Variants in KAT6A observed in about 807,000 individuals in gnomAD.
KAT6A encodes lysine acetyltransferase 6A, also known as histone acetyltransferase KAT6A.
KAT6A carries 9 observed loss-of-function variants against 198.4 expected under a neutral mutation model. The observed-to-expected ratio is 0.05, with a 90% CI of 0.03 to 0.08. The LOEUF is 0.08. Among genes scored for constraint, KAT6A ranks in the 10% least tolerant of loss-of-function variants. The pLI is 1.00. For missense variants in KAT6A, 2,077 were observed against 2,509.9 expected, an observed-to-expected ratio of 0.83 and a Z score of 3.69; for synonymous variants, 890 against 883.0, an observed-to-expected ratio of 1.01 and a Z score of -0.14.
chr8:42,014,056 A>C (rs1328912755), intron 2 of KAT6A, among the ~76,000 whole-genome samples: 1 of 152,174 alleles, frequency 6.6e-6, no homozygotes, highest in Non-Finnish European at 1.5e-5. Flanking sequence ...CTGAAATCTG[A>C]ATTACATATG....
intron 2 of KAT6A, among the ~76,000 whole-genome samples, chr8:42,015,567 T>C (rs993529479): frequency 5.3e-5 from 8 of 152,220 alleles, no homozygotes; most frequent in African/African-American, 1.9e-4. Flanking sequence ...CAACCTCCTA[T>C]ACAGTCGTAT....
rs538688127 is a variant in KAT6A at position 41,977,110 on chromosome 8, G to A, written c.1261C>T (p.Pro421Ser). 2.5e-6 allele frequency: 4 copies of A among 1,614,146 alleles called. No individual in the cohort carries two copies. The South Asian group carries it at 4.4e-5, about 18-fold the overall frequency. Residue 421 changes from proline (P) to serine (S), a missense_variant, in exon 7 of 17, where the codon CCT becomes TCT. By Grantham distance (74) the Pro-to-Ser change is moderately conservative. Around this residue, in one of 13 missense-constraint regions of KAT6A, gnomAD observed 206 missense variants for 214.9 expected, o/e 0.96. Transcript: ENST00000265713. ...DGLTKFFTPSPDGRKARGEVV... is the reference protein window; with the variant it reads ...DGLTKFFTPSSDGRKARGEVV... ...TCCCCCCGAGCTTTCCGCCCATCAG[G>A]GGAAGGGGTAAAAAATTTGGTAAGG...
At position 42,048,943 on chromosome 8, in the gene KAT6A, C is replaced by A. The variant is rs752426070; in HGVS notation, c.35G>T (p.Trp12Leu). The A allele has an allele frequency of 6.2e-7, 1 of 1,613,954 alleles. No homozygotes were observed. The highest frequency in any genetic ancestry group is 8.5e-7 in the Non-Finnish European group (1 of 1,179,982). ...CACTTTTTTGATGGCCTCCAAAATC[C>A]ACTCAGTATAAAGCGGGTTTGCGAG... ...VKLANPLYTE[W>L]ILEAIKKVKK... The change falls in exon 2 of 17, where the codon TGG (tryptophan) becomes TTG (leucine). Residue 12 changes from tryptophan (W) to leucine (L), a missense_variant. Physicochemically the swap from Trp to Leu is moderately conservative, Grantham distance 61. Coordinates refer to ENST00000265713, the MANE Select transcript of KAT6A (RefSeq NM_006766.5).
chr8:41,967,199 T>C (rs1294211886), intron 8 of KAT6A, among the ~76,000 whole-genome samples: 2 of 151,954 alleles, frequency 1.3e-5, no homozygotes, highest in Non-Finnish European at 1.5e-5. Flanking sequence ...AATCATTCTA[T>C]ATATTTCAAG....
chr8:42,047,265 C>G (rs1021621126), intron 2 of KAT6A, among the ~76,000 whole-genome samples: 1 of 152,140 alleles, frequency 6.6e-6, no homozygotes, highest in Non-Finnish European at 1.5e-5. Context: ...AAAACAGGTA[C>G]TAACAAAATT....
chr8:41,969,618 T>C (rs774206349), intron 8 of KAT6A, among the ~76,000 whole-genome samples: 2 of 152,216 alleles, frequency 1.3e-5, no homozygotes, highest in Non-Finnish European at 2.9e-5. Context: ...TGCTTAATTC[T>C]AAACCACTCT....
At chr8:41,949,417 A>G (rs1239343247) in intron 9 of KAT6A, 54 bp from the exon 10 acceptor site, 3 of 1,297,902 alleles carry the variant, frequency 2.3e-6, no homozygotes, top group Non-Finnish European at 3.0e-6. Flanking sequence ...AGAGTACTTC[A>G]AACTTCCACA....
At chr8:41,993,248 T>C (rs781284952) in intron 2 of KAT6A, among the ~76,000 whole-genome samples, 3 of 152,224 alleles carry the variant, frequency 2.0e-5, no homozygotes, top group Non-Finnish European at 2.9e-5. Context: ...TAGAGCTGGA[T>C]AGACAGTTTA....
intron 13 of KAT6A, 114 bp from the exon 14 acceptor site, chr8:41,943,114 G>C: frequency 1.5e-6 from 2 of 1,340,440 alleles, no homozygotes. Flanking sequence ...TGCAAAGATA[G>C]CCTGCCTGGG....
intron 2 of KAT6A, among the ~76,000 whole-genome samples, chr8:42,005,344 GTAACA>G (rs1364905103): frequency 6.6e-6 from 1 of 152,030 alleles, no homozygotes; most frequent in Non-Finnish European, 1.5e-5. Flanking sequence ...TACTACCTCC[GTAACA>G]GTATAAATAA....
At chr8:42,021,059 AAG>A (rs1410665044) in intron 2 of KAT6A, among the ~76,000 whole-genome samples, 1 of 152,066 alleles carries the variant, frequency 6.6e-6, no homozygotes, top group Non-Finnish European at 1.5e-5. Flanking sequence ...TTATTGAGGA[AAG>A]AGAGATATAC....
intron 6 of KAT6A, among the ~76,000 whole-genome samples, chr8:41,977,760 A>T (rs1350794286): frequency 3.3e-5 from 5 of 152,196 alleles, no homozygotes; most frequent in Admixed American, 6.5e-5. Flanking sequence ...CTAAAACACA[A>T]GGATGGGTTA....
intron 2 of KAT6A, among the ~76,000 whole-genome samples, chr8:42,003,400 C>CAG (rs1366462421): frequency 6.6e-6 from 1 of 151,810 alleles, no homozygotes; most frequent in African/African-American, 2.4e-5. Context: ...GTCTGAATCT[C>CAG]AGCTCTGTGG....
intron 2 of KAT6A, among the ~76,000 whole-genome samples, chr8:42,007,657 A>C (rs1048353552): frequency 2.0e-5 from 3 of 152,052 alleles, no homozygotes; most frequent in African/African-American, 7.2e-5. Flanking sequence ...TAGGACTAGA[A>C]AGTTCATTAA....
chr8:42,018,224 G>C (rs971549425), intron 2 of KAT6A, among the ~76,000 whole-genome samples: 1 of 152,146 alleles, frequency 6.6e-6, no homozygotes, highest in Non-Finnish European at 1.5e-5. Flanking sequence ...ATTGTTCCTA[G>C]TGGCAATATT....
Position 42,049,301 on chromosome 8 carries a change from G to T in KAT6A, c.-324C>A. On this transcript the variant is annotated splice_region_variant and 5_prime_UTR_variant, in exon 2 of 17. Coordinates refer to ENST00000265713, the MANE Select transcript of KAT6A (RefSeq NM_006766.5). ...CAGAGCAGAAAAATGTGCATCTTATGCCTGAAAAGCAATGAAAATAAGGTC... is the reference window on the plus strand; with the variant it reads ...CAGAGCAGAAAAATGTGCATCTTATTCCTGAAAAGCAATGAAAATAAGGTC... The T allele has an allele frequency of 3.2e-6, 1 of 312,606 alleles. No homozygotes were observed. The highest frequency in any genetic ancestry group is 4.8e-5 in the East Asian group (1 of 20,750). 19.4% of individuals were successfully genotyped at this position (312,606 alleles called of 1,614,324 possible). A position where few individuals can be genotyped will look rare whatever the true frequency, so the allele number is the denominator to read the frequency against.
chr8:41,983,969 G>A (rs1227600577), intron 3 of KAT6A, among the ~76,000 whole-genome samples: 4 of 152,334 alleles, frequency 2.6e-5, no homozygotes, highest in African/African-American at 9.6e-5. Context: ...GCTTAGAAAT[G>A]TAAACATGTT....
chr8:42,032,412 T>A (rs1262290006), intron 2 of KAT6A, among the ~76,000 whole-genome samples: 1 of 152,178 alleles, frequency 6.6e-6, no homozygotes, highest in Non-Finnish European at 1.5e-5. Context: ...AATATTACCA[T>A]CCATATAAAG....
At chr8:42,051,506 G>A (rs1802646701) in intron 1 of KAT6A, among the ~76,000 whole-genome samples, 1 of 146,094 alleles carries the variant, frequency 6.8e-6, no homozygotes, top group African/African-American at 2.5e-5. Context: ...CGCGCCCCGA[G>A]GGAGAGCGGG....
Sources: gnomAD v4.1 joint callset for allele counts (sites outside exome capture counted in the v4.1 genomes callset) on GRCh38, gnomAD v4.1.1 for gene constraint, gnomAD v4.1.1 regional missense constraint, MANE v1.5 for transcripts, NCBI Gene and HGNC (gene_info 2026-07-23, HGNC 2026-07-21) for gene names.